The following VRK3 variants were observed in gnomAD, a reference collection of about 807,000 sequenced individuals.
VRK3 encodes the protein serine/threonine-protein kinase VRK3.
In VRK3, 50 loss-of-function variants were observed where a neutral mutation model predicts 60.4. The ratio of observed to expected loss-of-function variants is 0.83; its 90% confidence interval spans 0.66 to 1.05. The LOEUF is 1.05. Among genes scored for constraint, VRK3 ranks in the 50% least tolerant of loss-of-function variants. The pLI is 0.00. For synonymous variants in VRK3, 246 were observed against 227.8 expected, an observed-to-expected ratio of 1.08 and a Z score of -0.72; for missense variants, 549 against 585.3, an observed-to-expected ratio of 0.94 and a Z score of 0.64.
intron 3 of VRK3, 135 bp downstream of exon 3, chr19:50,015,889 C>G: frequency 8.4e-7 from 1 of 1,190,092 alleles, no homozygotes; most frequent in South Asian, 1.4e-5. Flanking sequence ...ACAGAGGGGT[C>G]CAGTCCTGAG....
rs1365082183 is a variant in VRK3, at chr19:50,007,657, G to T, written c.459C>A (p.Pro153=). 6 of 1,613,998 alleles carry T rather than the reference G, an allele frequency of 3.7e-6. No individual in the cohort carries two copies. In the African/African-American group the frequency reaches 5.3e-5, roughly 14 times the overall value. ...TCTTGTCTGTCAGCACTGTCCCTGT[G>T]GGCAAAGCTTCAAGTGAGGTGGTCA... ...SRVTTSLEAL[P]TGTVLTDKSG... The change falls in exon 5 of 15, where the codon CCC becomes CCA. Residue 153 remains proline, a synonymous_variant. Transcript: ENST00000316763.
intron 12 of VRK3, 54 bp downstream of exon 12, chr19:49,988,318 C>G: frequency 6.4e-7 from 1 of 1,553,726 alleles, no homozygotes. Context: ...CTTCTGTCCA[C>G]CTGCAGGGGT....
Position 49,994,812 on chromosome 19 carries a change from A to G in VRK3, c.870+2T>C. 1.9e-6 allele frequency: 3 copies of G among 1,612,700 alleles called. No individual in the cohort carries two copies. ...GCAGCTGAGCAACTTCTGGGTACGC[A>G]CCAGCCGGCAGGCCACCTGCAGCAC... On this transcript the variant is annotated splice_donor_variant, in intron 9 of 14. Transcript: ENST00000316763. LOFTEE classifies it high-confidence loss of function.
At chr19:50,006,100 A>G (rs1311084282) in intron 5 of VRK3, among the ~76,000 whole-genome samples, 3 of 149,932 alleles carry the variant, frequency 2.0e-5, no homozygotes, top group Non-Finnish European at 4.4e-5. Context: ...AGCCTGGCCA[A>G]CATGGTAACA....
intron 10 of VRK3, among the ~76,000 whole-genome samples, chr19:49,991,183 T>C (rs1219692266): frequency 1.9e-4 from 29 of 152,154 alleles, no homozygotes; most frequent in Admixed American, 1.9e-3. Context: ...TATGAGGGTG[T>C]TCTGGATGAG....
At chr19:50,004,168 A>C (rs926773094) in intron 5 of VRK3, among the ~76,000 whole-genome samples, 1 of 152,186 alleles carries the variant, frequency 6.6e-6, no homozygotes, top group African/African-American at 2.4e-5. Context: ...GGCCCAGAGT[A>C]GCTCCTCCTG....
At chr19:50,004,146 C>A (rs1021367865) in intron 5 of VRK3, among the ~76,000 whole-genome samples, 3 of 152,164 alleles carry the variant, frequency 2.0e-5, no homozygotes, top group Admixed American at 6.5e-5. Context: ...AAGGGAAAAC[C>A]AAAACCACAT....
intron 13 of VRK3, among the ~76,000 whole-genome samples, chr19:49,979,620 G>A (rs1474893277): frequency 6.6e-6 from 1 of 152,112 alleles, no homozygotes; most frequent in Non-Finnish European, 1.5e-5. Context: ...TAAAGAGGGC[G>A]GGCCCTGCTT....
At chr19:49,984,223 G>A (rs1351844610) in intron 12 of VRK3, among the ~76,000 whole-genome samples, 1 of 152,162 alleles carries the variant, frequency 6.6e-6, no homozygotes, top group Admixed American at 6.5e-5. Flanking sequence ...GAGTTCAGAG[G>A]CACCATGGGC....
At chr19:50,024,099 G>A (rs760538770) in intron 1 of VRK3, among the ~76,000 whole-genome samples, 4 of 151,962 alleles carry the variant, frequency 2.6e-5, no homozygotes, top group Admixed American at 6.6e-5. Context: ...CACCATGCCC[G>A]GCTAATTTTT....
intron 5 of VRK3, among the ~76,000 whole-genome samples, chr19:50,002,815 G>A (rs141366727): frequency 2.6e-5 from 4 of 152,204 alleles, no homozygotes; most frequent in African/African-American, 9.6e-5. Context: ...TCTGCTTGCC[G>A]GAAACCTGAC....
intron 9 of VRK3, 117 bp from the exon 10 acceptor site, chr19:49,993,069 T>C (rs746910080): frequency 2.2e-6 from 2 of 909,292 alleles, no homozygotes; most frequent in Non-Finnish European, 3.4e-6. Context: ...ACACTGTGAC[T>C]GGGGGTTAAA....
chr19:49,994,830 T>C lies in VRK3; in HGVS notation c.854A>G (p.Gln285Arg). Residue 285 changes from glutamine to arginine, a missense_variant, in exon 9 of 15, where the codon CAG (glutamine) becomes CGG (arginine). By Grantham distance (43) the Gln-to-Arg change is conservative. Transcript: ENST00000316763. ...GGTACGCACCAGCCGGCAGGCCACC[T>C]GCAGCACAGACCTCTCTGACAGCAC... ...KHVLSERSVL[Q>R]VACRLLDALE... The C allele has an allele frequency of 6.2e-7, 1 of 1,613,952 alleles. No individual in the cohort carries two copies. Among genetic ancestry groups the C allele is most frequent in the Non-Finnish European group, 8.5e-7 (1 of 1,179,922 alleles).
chr19:50,006,529 C>A (rs780285909), intron 5 of VRK3, among the ~76,000 whole-genome samples: 6 of 151,674 alleles, frequency 4.0e-5, no homozygotes, highest in Non-Finnish European at 7.4e-5. Context: ...GTGCCAGCCA[C>A]CACACCCGGC....
At chr19:49,984,129 G>A (rs969072897) in intron 12 of VRK3, among the ~76,000 whole-genome samples, 1 of 152,162 alleles carries the variant, frequency 6.6e-6, no homozygotes, top group African/African-American at 2.4e-5. Flanking sequence ...AGCATGATAA[G>A]ACCGCTCTTA....
intron 12 of VRK3, among the ~76,000 whole-genome samples, chr19:49,985,084 G>C (rs145684319): frequency 6.6e-6 from 1 of 152,318 alleles, no homozygotes; most frequent in East Asian, 1.9e-4. Context: ...AAGCTGCAGT[G>C]TTTTGGGGTC....
At chr19:50,002,233 T>TG (rs1158772288) in intron 5 of VRK3, among the ~76,000 whole-genome samples, 5 of 152,190 alleles carry the variant, frequency 3.3e-5, no homozygotes, top group Non-Finnish European at 5.9e-5. Flanking sequence ...AGCTGAGGGA[T>TG]GGGGGGTGAC....
At chr19:50,020,464 A>G (rs931842355) in intron 2 of VRK3, 121 bp downstream of exon 2, 2 of 152,212 alleles carry the variant, frequency 1.3e-5, no homozygotes, top group African/African-American at 4.8e-5. Context: ...TGCCATACCT[A>G]TGACAACGTT....
chr19:50,005,731 C>A (rs1212754464), intron 5 of VRK3, among the ~76,000 whole-genome samples: 1 of 149,690 alleles, frequency 6.7e-6, no homozygotes, highest in Non-Finnish European at 1.5e-5. Context: ...CATGGATGCA[C>A]CTTGAGCACA....
Sources: gnomAD v4.1 joint callset for allele counts (sites outside exome capture counted in the v4.1 genomes callset) on GRCh38, gnomAD v4.1.1 for gene constraint, MANE v1.5 for transcripts, NCBI Gene and HGNC (gene_info 2026-07-23, HGNC 2026-07-21) for gene names.